CDR2L: variants seen among roughly 807,000 people sequenced by gnomAD.
CDR2L encodes cerebellar degeneration related protein 2 like.
In CDR2L, 19 loss-of-function variants were observed where a neutral mutation model predicts 36.1. That is an observed-to-expected ratio of 0.53 (90% confidence interval 0.37 to 0.77). The LOEUF is 0.77. Ranked by LOEUF, CDR2L falls within the 30% of genes least tolerant of loss-of-function variation. The pLI, the probability that CDR2L is intolerant of heterozygous loss-of-function variation, is 0.00. For synonymous variants in CDR2L, 285 were observed against 280.4 expected (o/e 1.02, Z -0.16); for missense variants, 575 against 627.2 (o/e 0.92, Z 0.89).
At chr17:74,990,876 C>T (rs1163428951) in intron 1 of CDR2L, among the ~76,000 whole-genome samples, 1 of 152,230 alleles carries the variant, frequency 6.6e-6, no homozygotes, top group Non-Finnish European at 1.5e-5. Flanking sequence ...CAGCTGCTCC[C>T]TGGTTGCCTG....
rs1276092466 is a variant in CDR2L at position 75,004,380 on chromosome 17, C to CCT, written c.*308_*309dup. 1.6e-5 allele frequency: 5 copies of CCT among 317,056 alleles called. No individual in the cohort carries two copies. The highest frequency in any genetic ancestry group is 2.9e-5 in the Non-Finnish European group (5 of 173,556). 19.6% of individuals were successfully genotyped at this position (317,056 alleles called of 1,614,324 possible). On this transcript the variant is annotated 3_prime_UTR_variant, in exon 5 of 5. Coordinates refer to ENST00000337231, the MANE Select transcript of CDR2L (RefSeq NM_014603.3). ...CTGGCTTCCTGACCCTGCGCCTCAC[C>CCT]CTCAGACTGGTGACCAGGCTTCTGA...
At chr17:74,990,010 T>G (rs138521748) in intron 1 of CDR2L, among the ~76,000 whole-genome samples, 213 of 152,304 alleles carry the variant, frequency 1.4e-3, no homozygotes, top group African/African-American at 5.0e-3. Flanking sequence ...GATCAGAAAC[T>G]GAGTTCTTGA....
In CDR2L at chr17:75,003,178, G is replaced by T; in HGVS notation, c.507-5G>T. On this transcript the variant is annotated splice_region_variant and splice_polypyrimidine_tract_variant and intron_variant, in intron 4 of 4. Transcript: ENST00000337231. ...CACCCCGCTGCGACTCTCACTACCC[G>T]CCAGGTGCAAGGATGCTTTCCGCCT... is the stretch of plus-strand genomic sequence containing the variant. The T allele has an allele frequency of 6.4e-7, 1 of 1,558,056 alleles. No individual in the cohort carries two copies. The highest frequency in any genetic ancestry group is 8.7e-7 in the Non-Finnish European group (1 of 1,152,020).
rs546578360 is a variant in CDR2L at position 75,001,037 on chromosome 17, C to T, written c.193-304C>T. 1.1e-4 allele frequency among the ~76,000 whole-genome samples: 17 copies of T among 151,496 alleles called. No individual in the cohort carries two copies. In the East Asian group the frequency reaches 3.3e-3, roughly 30 times the overall value. On this transcript the variant is annotated intron_variant, in intron 2 of 4. Transcript: ENST00000337231. ...TCACTTGAGGTCAGGAGTTCAAGAC[C>T]AACCTGGCCAATATAGTGAAACCCT...
chr17:74,997,436 G>T (rs1319468534), intron 1 of CDR2L, among the ~76,000 whole-genome samples: 1 of 152,110 alleles, frequency 6.6e-6, no homozygotes, highest in Non-Finnish European at 1.5e-5. Flanking sequence ...GCCTCCCGGG[G>T]AGAGTGAAGC....
At chr17:74,997,150 C>T (rs998275047) in intron 1 of CDR2L, among the ~76,000 whole-genome samples, 1 of 149,194 alleles carries the variant, frequency 6.7e-6, no homozygotes, top group Non-Finnish European at 1.5e-5. Flanking sequence ...ACGATCTCGG[C>T]TCACTGCAAC....
rs1381030114 is a variant in CDR2L at position 74,997,080 on chromosome 17, C to CTTTT, written c.80-2421_80-2420insTTTT. On this transcript the variant is annotated intron_variant, in intron 1 of 4. Transcript: ENST00000337231. ...TCTTTCTTTCTTTCTTTCTTTCTTT[C>CTTTT]TTTCTTTTTTTTTTTTGAGACTGAG... is the stretch of plus-strand genomic sequence containing the variant. Among the ~76,000 whole-genome samples the CTTTT allele has an allele frequency of 5.8e-3, 52 of 8,974 alleles. 1 individual carries two copies. The highest frequency in any genetic ancestry group is 0.012 in the African/African-American group (49 of 3,964). The allele number at this position is 8,974 out of a possible 152,430, so 5.9% of individuals were successfully genotyped here. A position where few individuals can be genotyped will look rare whatever the true frequency, so the allele number is the denominator to read the frequency against.
intron 3 of CDR2L, 138 bp downstream of exon 3, chr17:75,001,627 C>T (rs1006545233): frequency 6.1e-5 from 50 of 821,278 alleles, no homozygotes; most frequent in Non-Finnish European, 8.1e-5. Flanking sequence ...TTGTCCTTGT[C>T]GATTTTGTGT....
Position 75,003,234 on chromosome 17 carries a change from G to A in CDR2L, c.558G>A (p.Arg186=). ...LHSSSLELGP[R]PLEQENERLQ... The stretch of plus-strand genomic sequence containing the variant: ...GTTCCTCCCTGGAGCTGGGCCCGCG[G>A]CCCCTGGAGCAGGAGAACGAGCGGC... Residue 186 remains arginine, a synonymous_variant, in exon 5 of 5, where the codon CGG becomes CGA. Transcript: ENST00000337231. 1 of 1,564,884 alleles carries A rather than the reference G, an allele frequency of 6.4e-7. No individual in the cohort carries two copies. Among genetic ancestry groups the A allele is most frequent in the South Asian group, 1.2e-5 (1 of 84,840 alleles).
In CDR2L at chr17:74,989,717, C is replaced by T. The variant is rs1024050818; in HGVS notation, c.79+1595C>T. 2.0e-5 allele frequency among the ~76,000 whole-genome samples: 3 copies of T among 151,968 alleles called. No homozygotes were observed. The highest frequency in any genetic ancestry group is 4.4e-5 in the Non-Finnish European group (3 of 67,996). ...TCACCCAGGTTGGAGTGTAATGGTGCGATCTCAGCTCACTGCAACCTCCAT... is the reference window on the plus strand; with the variant it reads ...TCACCCAGGTTGGAGTGTAATGGTGTGATCTCAGCTCACTGCAACCTCCAT... On this transcript the variant is annotated intron_variant, in intron 1 of 4. Coordinates refer to ENST00000337231, the MANE Select transcript of CDR2L (RefSeq NM_014603.3). The surrounding 1 kb of genome is among the most constrained non-coding windows in gnomAD (Gnocchi z 4.2).
At chr17:74,997,445 G>GCT (rs1398258421) in intron 1 of CDR2L, among the ~76,000 whole-genome samples, 2 of 152,084 alleles carry the variant, frequency 1.3e-5, no homozygotes, top group Non-Finnish European at 2.9e-5. Context: ...GGAGAGTGAA[G>GCT]CTCTCCCTTG....
intron 3 of CDR2L, among the ~76,000 whole-genome samples, chr17:75,001,700 A>T (rs2039868195): frequency 1.3e-5 from 2 of 152,196 alleles, no homozygotes; most frequent in South Asian, 4.1e-4. Context: ...TCTTCTTTAG[A>T]CACTGGGGAT....
chr17:74,987,892 G>T lies in CDR2L; in HGVS notation c.-152G>T, dbSNP rs1358714742. 1 of 333,736 alleles carries T rather than the reference G, an allele frequency of 3.0e-6. No homozygotes were observed. The allele number at this position is 333,736 out of a possible 1,614,324, so 20.7% of individuals were successfully genotyped here. A position where few individuals can be genotyped will look rare whatever the true frequency, so the allele number is the denominator to read the frequency against. ...GCGCCAGGCCCCGCGTGGGCTCCCGGCGAGCGGTTGATGGCGAGGGGGCGC... is the reference window on the plus strand; with the variant it reads ...GCGCCAGGCCCCGCGTGGGCTCCCGTCGAGCGGTTGATGGCGAGGGGGCGC... On this transcript the variant is annotated 5_prime_UTR_variant, in exon 1 of 5. Transcript: ENST00000337231.
At position 74,989,425 on chromosome 17, in the gene CDR2L, A is replaced by ACACACACC. The variant is rs1192016449; in HGVS notation, c.79+1310_79+1311insCCACACAC. Reference sequence around the variant, plus strand: ...GCTCCTCTCAAACACACACACACACACACACACACACACACACACACATCC... The same window carrying ACACACACC: ...GCTCCTCTCAAACACACACACACACACACACACCCACACACACACACACACACACATCC... On this transcript the variant is annotated intron_variant, in intron 1 of 4. Coordinates refer to ENST00000337231, the MANE Select transcript of CDR2L (RefSeq NM_014603.3). The surrounding 1 kb of genome is among the most constrained non-coding windows in gnomAD (Gnocchi z 4.2). Among the ~76,000 whole-genome samples the ACACACACC allele has an allele frequency of 6.6e-6, 1 of 150,926 alleles. No homozygotes were observed. Among genetic ancestry groups the ACACACACC allele is most frequent in the Admixed American group, 6.6e-5 (1 of 15,156 alleles).
intron 2 of CDR2L, 56 bp from the exon 3 acceptor site, chr17:75,001,285 G>A: frequency 6.5e-7 from 1 of 1,531,666 alleles, no homozygotes; most frequent in Non-Finnish European, 8.8e-7. Flanking sequence ...GGTCTAGGCA[G>A]AGACATTTGC....
Position 75,000,653 on chromosome 17 carries a change from A to G in CDR2L, c.193-688A>G, listed in dbSNP as rs553000566. 5.4e-3 allele frequency among the ~76,000 whole-genome samples: 797 copies of G among 146,928 alleles called. 9 individuals are homozygous for G. The highest frequency in any genetic ancestry group is 0.019 in the African/African-American group (748 of 40,024). On this transcript the variant is annotated intron_variant, in intron 2 of 4. Coordinates refer to ENST00000337231, the MANE Select transcript of CDR2L (RefSeq NM_014603.3). ...AAAAAGGCCGGGCACAGTGGCTCAC[A>G]CCTGTAATCCTAGCACTTTGAGAGG... is the stretch of plus-strand genomic sequence containing the variant.
At chr17:75,001,282 G>T in intron 2 of CDR2L, 59 bp from the exon 3 acceptor site, 1 of 1,509,202 alleles carries the variant, frequency 6.6e-7, no homozygotes, top group Admixed American at 2.1e-5. Context: ...GAGGGTCTAG[G>T]CAGAGACATT....
At chr17:75,001,585 C>T (rs1023921950) in intron 3 of CDR2L, 96 bp downstream of exon 3, 81 of 1,153,178 alleles carry the variant, frequency 7.0e-5, no homozygotes, top group African/African-American at 7.8e-5. Context: ...GACTTGTGCA[C>T]GTCTCCCTAG....
chr17:74,990,980 C>G (rs1329332337), intron 1 of CDR2L, among the ~76,000 whole-genome samples: 1 of 152,252 alleles, frequency 6.6e-6, no homozygotes, highest in African/African-American at 2.4e-5. Context: ...ATTCCACTTT[C>G]CAGAAGCTTG....
Sources: allele counts gnomAD v4.1 joint callset (sites outside exome capture counted in the v4.1 genomes callset), GRCh38; gene constraint gnomAD v4.1.1; non-coding constraint Gnocchi (gnomAD v3.1); transcripts MANE v1.5; gene names NCBI Gene and HGNC (gene_info 2026-07-23, HGNC 2026-07-21).